STK32B: variants seen among roughly 807,000 people sequenced by gnomAD.
STK32B encodes serine/threonine kinase 32B, also known as serine/threonine-protein kinase 32B.
A neutral mutation model predicts 52.6 loss-of-function variants in STK32B; 43 were observed. That is an observed-to-expected ratio of 0.82 (90% confidence interval 0.64 to 1.05). The LOEUF is 1.05. Ranked by LOEUF, STK32B falls within the 50% of genes least tolerant of loss-of-function variation. The probability of loss-of-function intolerance (pLI) is 0.00; values close to 1 mark genes in which losing one functional copy is unlikely to be tolerated. For synonymous variants in STK32B, 238 were observed against 204.3 expected (o/e 1.17, Z -1.41); for missense variants, 621 against 534.6 (o/e 1.16, Z -1.59).
rs577326874 is a variant in STK32B, at chr4:5,468,162, G to A, written c.1106+92G>A. On this transcript the variant is annotated intron_variant, in intron 11 of 11. Coordinates refer to ENST00000282908, the MANE Select transcript of STK32B (RefSeq NM_018401.3). ...AATCACAGTCCCTGCCCCCCAAACC[G>A]GCCTTGACGACAAAAGGGAAGGTAT... The A allele has an allele frequency of 2.2e-5, 30 of 1,337,298 alleles. No homozygotes were observed. The East Asian group carries it at 5.1e-4, about 23-fold the overall frequency. The allele number at this position is 1,337,298 out of a possible 1,614,324, so 82.8% of individuals were successfully genotyped here.
At chr4:5,451,028 C>T (rs773997163) in intron 7 of STK32B, among the ~76,000 whole-genome samples, 74 of 152,310 alleles carry the variant, frequency 4.9e-4, no homozygotes, top group Non-Finnish European at 8.2e-4. Context: ...GCCCTGGCTT[C>T]CTCATTCACA....
chr4:5,319,573 C>A (rs1218916731), intron 3 of STK32B, among the ~76,000 whole-genome samples: 2 of 152,012 alleles, frequency 1.3e-5, no homozygotes, highest in East Asian at 3.9e-4. Context: ...CAGCACGCAC[C>A]CAGGCATACA....
intron 4 of STK32B, among the ~76,000 whole-genome samples, chr4:5,363,204 A>G (rs552337463): frequency 9.2e-5 from 14 of 152,340 alleles, no homozygotes; most frequent in Middle Eastern, 3.4e-3. Context: ...AAAGTATACA[A>G]ATTTTATAAA....
At position 5,470,089 on chromosome 4, in the gene STK32B, A is replaced by G. The variant is rs1717738790; in HGVS notation, c.1106+2019A>G. 6.6e-6 allele frequency among the ~76,000 whole-genome samples: 1 copy of G among 152,196 alleles called. No homozygotes were observed. Among genetic ancestry groups the G allele is most frequent in the African/African-American group, 2.4e-5 (1 of 41,448 alleles). ...CATTTCACCTTTTGCTGTGTGCCAG[A>G]ACATGCTTCAATTTGGATTCTTCCT... On this transcript the variant is annotated intron_variant, in intron 11 of 11. Coordinates refer to ENST00000282908, the MANE Select transcript of STK32B (RefSeq NM_018401.3). The surrounding 1 kb of genome is among the most constrained non-coding windows in gnomAD (Gnocchi z 4.6).
chr4:5,097,939 G>A (rs1448885426), intron 1 of STK32B, among the ~76,000 whole-genome samples: 1 of 152,226 alleles, frequency 6.6e-6, no homozygotes, highest in Non-Finnish European at 1.5e-5. Context: ...GTTCACTCCT[G>A]TCTCTGCAGT....
At chr4:5,182,837 G>A (rs1479130519) in intron 3 of STK32B, among the ~76,000 whole-genome samples, 2 of 151,554 alleles carry the variant, frequency 1.3e-5, no homozygotes, top group African/African-American at 2.4e-5. Flanking sequence ...TAGATGTTAT[G>A]TTAGCAGGCA....
intron 1 of STK32B, 60 bp from the exon 2 acceptor site, chr4:5,139,845 C>A: frequency 6.3e-7 from 1 of 1,599,238 alleles, no homozygotes; most frequent in South Asian, 1.1e-5. Flanking sequence ...TAAGGATATT[C>A]AAGGAGCAAT....
intron 3 of STK32B, among the ~76,000 whole-genome samples, chr4:5,196,386 T>C (rs1406310283): frequency 6.7e-6 from 1 of 149,602 alleles, no homozygotes; most frequent in East Asian, 2.0e-4. Flanking sequence ...CCTCATAGTT[T>C]TGTTCTGAAC....
At chr4:5,339,009 T>G (rs2108966660) in intron 4 of STK32B, among the ~76,000 whole-genome samples, 1 of 152,292 alleles carries the variant, frequency 6.6e-6, no homozygotes, top group East Asian at 1.9e-4. Flanking sequence ...GCATCAACGA[T>G]TCCTCTGAGG....
the STK32B span, among the ~76,000 whole-genome samples, chr4:5,038,637 G>T: frequency 6.6e-6 from 1 of 152,034 alleles, no homozygotes; most frequent in Non-Finnish European, 1.5e-5. Context: ...TACAGAAAAG[G>T]GACTATAAAA....
chr4:5,023,410 A>G, the STK32B span, among the ~76,000 whole-genome samples: 10 of 152,186 alleles, frequency 6.6e-5, no homozygotes, highest in African/African-American at 2.4e-4. Context: ...GTGCTTGTCC[A>G]GAGTCTGCTT....
chr4:5,133,179 T>C (rs1428555472), intron 1 of STK32B, among the ~76,000 whole-genome samples: 1 of 152,260 alleles, frequency 6.6e-6, no homozygotes, highest in Non-Finnish European at 1.5e-5. Context: ...AGGTTCATTG[T>C]GTGTTTTGTT....
At chr4:5,195,577 C>T (rs1418779292) in intron 3 of STK32B, among the ~76,000 whole-genome samples, 1 of 152,068 alleles carries the variant, frequency 6.6e-6, no homozygotes, top group East Asian at 1.9e-4. Context: ...CCTGTAATTC[C>T]AGCTACTTGG....
At chr4:5,220,285 C>T (rs971511760) in intron 3 of STK32B, among the ~76,000 whole-genome samples, 13 of 152,176 alleles carry the variant, frequency 8.5e-5, no homozygotes, top group African/African-American at 3.1e-4. Context: ...ATGATACATA[C>T]TAGTAGTATA....
chr4:5,281,971 A>AT (rs1210918492), intron 3 of STK32B, among the ~76,000 whole-genome samples: 3 of 152,056 alleles, frequency 2.0e-5, no homozygotes, highest in East Asian at 1.9e-4. Flanking sequence ...TTCATTCTTA[A>AT]TTTTTTTATT....
chr4:5,451,188 G>A (rs957246400), intron 7 of STK32B, among the ~76,000 whole-genome samples: 1 of 152,230 alleles, frequency 6.6e-6, no homozygotes, highest in Non-Finnish European at 1.5e-5. Context: ...CACAAGACAG[G>A]TAGATGCAGG....
intron 3 of STK32B, among the ~76,000 whole-genome samples, chr4:5,183,489 AAAATT>A (rs1364827679): frequency 3.6e-4 from 55 of 152,180 alleles, no homozygotes; most frequent in East Asian, 3.9e-4. Context: ...AAAAAAAAAA[AAAATT>A]AAATTAAAAA....
At chr4:5,071,993 C>T (rs1711810917) in intron 1 of STK32B, among the ~76,000 whole-genome samples, 1 of 152,106 alleles carries the variant, frequency 6.6e-6, no homozygotes, top group Non-Finnish European at 1.5e-5. Flanking sequence ...TCTTACACCC[C>T]CTGGTGACCC....
At chr4:5,131,930 TAGATG>T (rs1715802166) in intron 1 of STK32B, among the ~76,000 whole-genome samples, 1 of 151,536 alleles carries the variant, frequency 6.6e-6, no homozygotes, top group South Asian at 2.1e-4. Flanking sequence ...AGGGACTTTT[TAGATG>T]AGATTAACTG....
Sources: gnomAD v4.1 joint callset for allele counts (sites outside exome capture counted in the v4.1 genomes callset) on GRCh38, gnomAD v4.1.1 for gene constraint, Gnocchi (gnomAD v3.1) non-coding constraint, MANE v1.5 for transcripts, NCBI Gene and HGNC (gene_info 2026-07-23, HGNC 2026-07-21) for gene names.